The following FGD3 variants were observed in gnomAD, a reference collection of about 807,000 sequenced individuals.
FGD3 encodes FYVE, RhoGEF and PH domain containing 3.
A neutral mutation model predicts 71.8 loss-of-function variants in FGD3; 45 were observed. The observed-to-expected ratio is 0.63, with a 90% CI of 0.49 to 0.80. FGD3 has a LOEUF of 0.80. FGD3 is among the 30% of genes least tolerant of loss of function. FGD3 has a pLI of 0.00. For synonymous variants in FGD3, 378 were observed against 392.8 expected (o/e 0.96, Z 0.44); for missense variants, 844 against 951.5 (o/e 0.89, Z 1.49).
intron 10 of FGD3, among the ~76,000 whole-genome samples, chr9:93,017,861 CG>C (rs569853297): frequency 9.3e-4 from 134 of 143,966 alleles, no homozygotes; most frequent in African/African-American, 3.3e-3. Context: ...GGCTGGGTGT[CG>C]GGGGGGTGGG....
At chr9:92,996,128 G>A (rs1046107308) in intron 3 of FGD3, among the ~76,000 whole-genome samples, 1 of 152,084 alleles carries the variant, frequency 6.6e-6, no homozygotes, top group African/African-American at 2.4e-5. Context: ...TGGTTGGTAG[G>A]CTATTAATTA....
chr9:93,005,328 C>T (rs969052971), intron 5 of FGD3, among the ~76,000 whole-genome samples: 2 of 152,022 alleles, frequency 1.3e-5, no homozygotes, highest in African/African-American at 2.4e-5. Flanking sequence ...GGGGTTTCAC[C>T]GTGTTGGCCA....
chr9:92,970,432 A>G (rs1859489672), intron 1 of FGD3, among the ~76,000 whole-genome samples: 1 of 152,226 alleles, frequency 6.6e-6, no homozygotes, highest in Non-Finnish European at 1.5e-5. Flanking sequence ...CTGGAGAACA[A>G]AAGAGAGGCT....
chr9:92,950,030 C>T (rs1228041512), intron 1 of FGD3, among the ~76,000 whole-genome samples: 1 of 120,000 alleles, frequency 8.3e-6, no homozygotes, highest in Non-Finnish European at 1.6e-5. Flanking sequence ...CCCTTCTTTC[C>T]TTCCTCTTTT....
chr9:92,958,079 A>G (rs1263346915), intron 1 of FGD3, among the ~76,000 whole-genome samples: 4 of 148,390 alleles, frequency 2.7e-5, no homozygotes, highest in South Asian at 2.2e-4. Flanking sequence ...GCTCACTGCA[A>G]CCTCCACCTC....
chr9:92,972,221 G>C (rs1158172013), intron 1 of FGD3, among the ~76,000 whole-genome samples: 1 of 151,896 alleles, frequency 6.6e-6, no homozygotes, highest in Non-Finnish European at 1.5e-5. Context: ...GGCTGAGGTG[G>C]GAGGATCACT....
rs772324846 is a variant in FGD3 at position 93,020,431 on chromosome 9, CA to C, written c.1494+8del. On this transcript the variant is annotated splice_region_variant and intron_variant, in intron 13 of 17. Transcript: ENST00000375482. ...CCTCTCTCCAGACATGCCTGTGAGTCAGTGGCCCGGGGTGCAGAGAGACCTC... is the reference window on the plus strand; with the variant it reads ...CCTCTCTCCAGACATGCCTGTGAGTCGTGGCCCGGGGTGCAGAGAGACCTC... The C allele has an allele frequency of 1.2e-6, 2 of 1,611,332 alleles. No individual in the cohort carries two copies. Among genetic ancestry groups the C allele is most frequent in the Non-Finnish European group, 1.7e-6 (2 of 1,178,796 alleles).
At position 93,003,865 on chromosome 9, in the gene FGD3, T is replaced by A; in HGVS notation, c.544-136T>A. On this transcript the variant is annotated intron_variant, in intron 4 of 17. Transcript: ENST00000375482. This position sits in a 1 kb window ranked among gnomAD's most constrained non-coding sequence, Gnocchi z 4.1. ...GTTGGATGAAAAGGGAGGACAATAA[T>A]TCTGAAATTCATTAAGAAAACACAA... The A allele has an allele frequency of 9.4e-7, 1 of 1,059,662 alleles. No homozygotes were observed. The highest frequency in any genetic ancestry group is 1.4e-6 in the Non-Finnish European group (1 of 724,034). 65.6% of individuals were successfully genotyped at this position (1,059,662 alleles called of 1,614,324 possible).
At position 93,020,544 on chromosome 9, in the gene FGD3, G is replaced by A. The variant is rs1209814376; in HGVS notation, c.1494+120G>A. On this transcript the variant is annotated intron_variant, in intron 13 of 17. Coordinates refer to ENST00000375482, the MANE Select transcript of FGD3 (RefSeq NM_001083536.2). ...CCAGGCTTTCCTCCTGCTACACCAG[G>A]GACCAGGACAGCGGGCACTCCCTTG... 3 of 755,076 alleles carry A rather than the reference G, an allele frequency of 4.0e-6. No homozygotes were observed. In the East Asian group the frequency reaches 8.1e-5, roughly 20 times the overall value. The allele number at this position is 755,076 out of a possible 1,614,324, so 46.8% of individuals were successfully genotyped here. A position where few individuals can be genotyped will look rare whatever the true frequency, so the allele number is the denominator to read the frequency against.
chr9:92,972,136 A>T (rs1372879841), intron 1 of FGD3, among the ~76,000 whole-genome samples: 1 of 151,898 alleles, frequency 6.6e-6, no homozygotes, highest in Non-Finnish European at 1.5e-5. Flanking sequence ...TCTGTATTCT[A>T]TTCCCTTTTT....
At chr9:93,018,970 T>TGGGTAGTTGGGATTACA (rs1391464992) in intron 11 of FGD3, among the ~76,000 whole-genome samples, 1 of 152,090 alleles carries the variant, frequency 6.6e-6, no homozygotes, top group Non-Finnish European at 1.5e-5. Context: ...CTCAGCCTCC[T>TGGGTAGTTGGGATTACA]GGGTAGTTGG....
At chr9:93,024,694 G>A (rs1007108311) in intron 14 of FGD3, among the ~76,000 whole-genome samples, 4 of 152,254 alleles carry the variant, frequency 2.6e-5, no homozygotes, top group African/African-American at 9.6e-5. Context: ...TGCCCTGGGT[G>A]GGCAGGACCT....
At chr9:92,963,317 A>G (rs1354417289) in intron 1 of FGD3, among the ~76,000 whole-genome samples, 1 of 152,124 alleles carries the variant, frequency 6.6e-6, no homozygotes, top group Non-Finnish European at 1.5e-5. Flanking sequence ...TTTTATTTTT[A>G]TTGAGACAGT....
Position 93,006,056 on chromosome 9 carries a change from A to G in FGD3, c.713A>G (p.Gln238Arg). The part of the protein sequence containing the change: ...DTNPRLGDIL[Q>R]KLAPFLKMYG... ...AACCCACGGCTCGGGGACATCCTGC[A>G]GAAGCTGGCCCCATTCCTGAAGATG... Residue 238 changes from glutamine to arginine, a missense_variant, in exon 6 of 18, where the codon CAG becomes CGG. Transcript: ENST00000375482. The G allele has an allele frequency of 6.2e-7, 1 of 1,611,496 alleles. No individual in the cohort carries two copies. The highest frequency in any genetic ancestry group is 8.5e-7 in the Non-Finnish European group (1 of 1,179,088).
intron 3 of FGD3, among the ~76,000 whole-genome samples, chr9:92,999,257 T>C (rs1587841802): frequency 6.6e-6 from 1 of 152,170 alleles, no homozygotes; most frequent in Non-Finnish European, 1.5e-5. Flanking sequence ...TCCGTGGGCG[T>C]GGGACCCTCT....
intron 3 of FGD3, among the ~76,000 whole-genome samples, chr9:92,988,854 A>G (rs1451693815): frequency 1.3e-5 from 2 of 152,054 alleles, no homozygotes; most frequent in Non-Finnish European, 2.9e-5. Context: ...CAGCATGAAG[A>G]TCTACCTGTT....
Position 93,035,343 on chromosome 9 carries a change from C to T in FGD3, c.1932C>T (p.Gly644=). 2.5e-6 allele frequency: 4 copies of T among 1,607,324 alleles called. No individual in the cohort carries two copies. The highest frequency in any genetic ancestry group is 3.4e-6 in the Non-Finnish European group (4 of 1,176,896). The change falls in exon 18 of 18, where the codon GGC becomes GGT. Residue 644 remains glycine (G), a synonymous_variant. Transcript: ENST00000375482. ...VLHLQGGSQD[G]RLPRTIPLPS... is the part of the protein sequence containing the mutation. ...CATCTGCTCCTCTGCTGCAGGACGG[C>T]CGGCTGCCCCGCACCATCCCTCTCC...
At chr9:92,956,183 A>G (rs900064447) in intron 1 of FGD3, among the ~76,000 whole-genome samples, 1 of 152,118 alleles carries the variant, frequency 6.6e-6, no homozygotes, top group African/African-American at 2.4e-5. Flanking sequence ...CAGTCATGTC[A>G]TTTGCAAACA....
intron 17 of FGD3, among the ~76,000 whole-genome samples, chr9:93,035,033 T>A (rs772694023): frequency 6.6e-6 from 1 of 152,178 alleles, no homozygotes; most frequent in Admixed American, 6.5e-5. Context: ...GGGGCTGGCC[T>A]GTCCTGCCTC....
Sources: allele counts gnomAD v4.1 joint callset (sites outside exome capture counted in the v4.1 genomes callset), GRCh38; gene constraint gnomAD v4.1.1; non-coding constraint Gnocchi (gnomAD v3.1); transcripts MANE v1.5; gene names NCBI Gene and HGNC (gene_info 2026-07-23, HGNC 2026-07-21).